The following CD96 variants were observed in gnomAD, a reference collection of about 807,000 sequenced individuals.
CD96 encodes T-cell surface protein tactile.
In CD96, 70 loss-of-function variants were observed where a neutral mutation model predicts 71.3. The observed-to-expected ratio is 0.98, with a 90% CI of 0.81 to 1.20. CD96 has a LOEUF of 1.20. Ranked by LOEUF, CD96 falls within the 50% of genes most tolerant of loss-of-function variation. The pLI is 0.00. For missense variants in CD96, 742 were observed against 677.5 expected (o/e 1.10, Z -1.06); for synonymous variants, 248 against 233.0 (o/e 1.06, Z -0.59).
chr3:111,643,808 T>C (rs1425643043), intron 12 of CD96, among the ~76,000 whole-genome samples: 1 of 148,828 alleles, frequency 6.7e-6, no homozygotes, highest in Non-Finnish European at 1.5e-5. Flanking sequence ...AAAGAAAAAC[T>C]ACAAAACACT....
At chr3:111,630,780 C>A (rs1036297736) in intron 10 of CD96, among the ~76,000 whole-genome samples, 5 of 152,084 alleles carry the variant, frequency 3.3e-5, no homozygotes, top group African/African-American at 4.8e-5. Flanking sequence ...GCAAACCAAA[C>A]TCAGCAGCAC....
At position 111,651,741 on chromosome 3, in the gene CD96, G is replaced by C. The variant is rs1340439225; in HGVS notation, c.*1935G>C. 6.6e-6 allele frequency: 1 copy of C among 152,232 alleles called. No homozygotes were observed. Among genetic ancestry groups the C allele is most frequent in the African/African-American group, 2.4e-5 (1 of 41,392 alleles). The allele number at this position is 152,232 out of a possible 1,614,324, so 9.4% of individuals were successfully genotyped here. A position where few individuals can be genotyped will look rare whatever the true frequency, so the allele number is the denominator to read the frequency against. On this transcript the variant is annotated 3_prime_UTR_variant, in exon 14 of 14. Coordinates refer to ENST00000352690, the MANE Select transcript of CD96 (RefSeq NM_005816.5). ...ACTAAAAATACAAAAAATTAGCCGGGTGTGGTGTCGGGCACCTGTAGTCCC... is the reference window on the plus strand; with the variant it reads ...ACTAAAAATACAAAAAATTAGCCGGCTGTGGTGTCGGGCACCTGTAGTCCC...
chr3:111,558,944 A>G (rs1485277999), intron 2 of CD96, among the ~76,000 whole-genome samples: 1 of 152,142 alleles, frequency 6.6e-6, no homozygotes, highest in African/African-American at 2.4e-5. Flanking sequence ...GGGAGAGTGT[A>G]TGTGTCAAGG....
At chr3:111,602,460 A>G (rs1487832808) in intron 7 of CD96, among the ~76,000 whole-genome samples, 1 of 152,180 alleles carries the variant, frequency 6.6e-6, no homozygotes, top group Non-Finnish European at 1.5e-5. Context: ...TAAATTGCCA[A>G]ATGAGTCTTT....
rs542242357 is a variant in CD96, at chr3:111,633,504, G to T, written c.1322-3692G>T. Among the ~76,000 whole-genome samples the T allele has an allele frequency of 2.7e-4, 41 of 152,152 alleles. No homozygotes were observed. The East Asian group carries it at 7.7e-3, about 29-fold the overall frequency. On this transcript the variant is annotated intron_variant, in intron 10 of 13. Coordinates refer to ENST00000352690, the MANE Select transcript of CD96 (RefSeq NM_005816.5). Reference sequence around the variant, plus strand: ...CAGGGTTGCCACAAAGCTACAATTTGTAAAAAAATAAAAATAAAAAAAACA... The same window carrying T: ...CAGGGTTGCCACAAAGCTACAATTTTTAAAAAAATAAAAATAAAAAAAACA...
chr3:111,553,353 T>TC (rs1212156494), intron 2 of CD96, among the ~76,000 whole-genome samples: 3 of 151,888 alleles, frequency 2.0e-5, no homozygotes, highest in Non-Finnish European at 4.4e-5. Flanking sequence ...CTCTATGTTT[T>TC]CACCTTATAG....
chr3:111,564,208 T>C (rs536295838), intron 2 of CD96, among the ~76,000 whole-genome samples: 1 of 152,010 alleles, frequency 6.6e-6, no homozygotes, highest in African/African-American at 2.4e-5. Flanking sequence ...TGAATTATAG[T>C]TTTTAATATT....
chr3:111,594,711 G>T (rs1937173979), intron 5 of CD96: 1 of 167,914 alleles, frequency 6.0e-6, no homozygotes, highest in Non-Finnish European at 1.5e-5. Context: ...GGCTTTTCAG[G>T]ACCAACAGAG....
At chr3:111,563,681 C>T (rs1235425541) in intron 2 of CD96, among the ~76,000 whole-genome samples, 2 of 152,148 alleles carry the variant, frequency 1.3e-5, no homozygotes, top group Non-Finnish European at 2.9e-5. Context: ...CATTCCTACA[C>T]CCCATATTTT....
chr3:111,636,823 C>T (rs1007988626), intron 10 of CD96, among the ~76,000 whole-genome samples: 1 of 152,226 alleles, frequency 6.6e-6, no homozygotes, highest in Non-Finnish European at 1.5e-5. Context: ...CTATTGGCAG[C>T]TTTTCTTGAC....
Position 111,600,732 on chromosome 3 carries a change from AT to A in CD96, c.906del (p.Tyr302Ter). ...GTTCGTATCTGTCTGGCAGGAATAT[AT>A]ATTACTAATGAAGAGAGAAAAGGCA... ...SFLHDEKEGI[Y>X]ITNEERKGKD... On this transcript the variant is annotated frameshift_variant, in exon 7 of 14. Coordinates refer to ENST00000352690, the MANE Select transcript of CD96 (RefSeq NM_005816.5). LOFTEE classifies it high-confidence loss of function. 6.2e-7 allele frequency: 1 copy of A among 1,608,480 alleles called. No individual in the cohort carries two copies. Among genetic ancestry groups the A allele is most frequent in the Non-Finnish European group, 8.5e-7 (1 of 1,174,884 alleles).
chr3:111,609,473 T>C (rs1017269810), intron 8 of CD96, among the ~76,000 whole-genome samples: 2 of 152,166 alleles, frequency 1.3e-5, no homozygotes, highest in Non-Finnish European at 2.9e-5. Flanking sequence ...CCTCATGGCA[T>C]TTATATTCTG....
At position 111,545,481 on chromosome 3, in the gene CD96, G is replaced by A; in HGVS notation, c.418+79G>A. 10 of 953,852 alleles carry A rather than the reference G, an allele frequency of 1.0e-5. 1 individual carries two copies. The South Asian group carries it at 1.1e-4, about 10-fold the overall frequency. The allele number at this position is 953,852 out of a possible 1,614,324, so 59.1% of individuals were successfully genotyped here. A position where few individuals can be genotyped will look rare whatever the true frequency, so the allele number is the denominator to read the frequency against. On this transcript the variant is annotated intron_variant, in intron 2 of 13. Transcript: ENST00000352690. ...AAATGTACATTTTAAGAAAAGCAAGGTTAGGCTTGGTGCTCAGCATACAAA... is the reference window on the plus strand; with the variant it reads ...AAATGTACATTTTAAGAAAAGCAAGATTAGGCTTGGTGCTCAGCATACAAA...
chr3:111,636,842 G>A (rs994087756), intron 10 of CD96, among the ~76,000 whole-genome samples: 21 of 152,086 alleles, frequency 1.4e-4, no homozygotes, highest in African/African-American at 3.9e-4. Flanking sequence ...ACTAAACGCC[G>A]CCATAACACA....
At position 111,583,996 on chromosome 3, in the gene CD96, T is replaced by C. The variant is rs556936226; in HGVS notation, c.752-1327T>C. Among the ~76,000 whole-genome samples, 21 of 152,346 alleles carry C rather than the reference T, an allele frequency of 1.4e-4. No homozygotes were observed. The South Asian group carries it at 4.1e-3, about 30-fold the overall frequency. ...AAATGGGTTTCTCTTTTCTATTGCA[T>C]AGTCAGGCTGCAAATTTTCCAAACT... is the stretch of plus-strand genomic sequence containing the variant. On this transcript the variant is annotated intron_variant, in intron 4 of 13. Transcript: ENST00000352690.
chr3:111,560,110 G>A (rs1269882224), intron 2 of CD96, among the ~76,000 whole-genome samples: 4 of 150,354 alleles, frequency 2.7e-5, no homozygotes, highest in African/African-American at 7.3e-5. Context: ...GTCTCTGCAC[G>A]TGAGATGGGT....
At chr3:111,613,718 G>A (rs1559756977) in intron 8 of CD96, among the ~76,000 whole-genome samples, 4 of 152,280 alleles carry the variant, frequency 2.6e-5, no homozygotes, top group South Asian at 2.1e-4. Context: ...GTGCTATGCC[G>A]ATAGGTGCTA....
At chr3:111,607,526 G>A (rs966510372) in intron 8 of CD96, among the ~76,000 whole-genome samples, 1 of 152,158 alleles carries the variant, frequency 6.6e-6, no homozygotes, top group Non-Finnish European at 1.5e-5. Flanking sequence ...AAGAACCATG[G>A]TGACTCTCTA....
At chr3:111,562,121 T>A (rs1298156) in intron 2 of CD96, among the ~76,000 whole-genome samples, 1 of 152,220 alleles carries the variant, frequency 6.6e-6, no homozygotes, top group Non-Finnish European at 1.5e-5. Context: ...CGCTCCCTAG[T>A]GAGATGAACC....
Sources: gnomAD v4.1 joint callset for allele counts (sites outside exome capture counted in the v4.1 genomes callset) on GRCh38, gnomAD v4.1.1 for gene constraint, MANE v1.5 for transcripts, NCBI Gene and HGNC (gene_info 2026-07-23, HGNC 2026-07-21) for gene names.